The following MDM1 variants were observed in gnomAD, a reference collection of about 807,000 sequenced individuals.
The protein encoded by MDM1 is Mdm1 nuclear protein.
A neutral mutation model predicts 89.1 loss-of-function variants in MDM1; 61 were observed. The ratio of observed to expected loss-of-function variants is 0.68; its 90% confidence interval spans 0.56 to 0.85. The LOEUF is 0.85. MDM1 is among the 40% of genes least tolerant of loss of function. MDM1 has a pLI of 0.00. For synonymous variants in MDM1, 290 were observed against 294.1 expected (o/e 0.99, Z 0.14); for missense variants, 820 against 846.5 (o/e 0.97, Z 0.39).
intron 7 of MDM1, among the ~76,000 whole-genome samples, chr12:68,318,606 C>T (rs1874805134): frequency 6.6e-6 from 1 of 151,966 alleles, no homozygotes; most frequent in Non-Finnish European, 1.5e-5. Context: ...CTGACATTTT[C>T]CAAAGTAGTA....
intron 12 of MDM1, among the ~76,000 whole-genome samples, chr12:68,303,424 G>GC (rs1457717357): frequency 7.5e-6 from 1 of 133,400 alleles, no homozygotes; most frequent in Non-Finnish European, 1.5e-5. Flanking sequence ...CAATCTTTCT[G>GC]GGGGGCCGGC....
intron 13 of MDM1, among the ~76,000 whole-genome samples, chr12:68,298,834 A>G (rs569056298): frequency 6.6e-5 from 10 of 152,328 alleles, no homozygotes; most frequent in African/African-American, 2.2e-4. Context: ...CTATCAACTC[A>G]GTAAACAAAA....
At chr12:68,297,144 TTAA>T (rs1318298533) in intron 13 of MDM1, among the ~76,000 whole-genome samples, 162 bp from the exon 14 acceptor site, 2 of 152,322 alleles carry the variant, frequency 1.3e-5, no homozygotes, top group African/African-American at 4.8e-5. Flanking sequence ...ATTTTATTAA[TTAA>T]TTTTATATCT....
chr12:68,328,577 A>G (rs1401771796), intron 2 of MDM1, among the ~76,000 whole-genome samples: 1 of 152,242 alleles, frequency 6.6e-6, no homozygotes, highest in Non-Finnish European at 1.5e-5. Flanking sequence ...TATAAAAAAT[A>G]GCAATTTAGA....
At chr12:68,297,116 G>T in intron 13 of MDM1, 134 bp from the exon 14 acceptor site, 1 of 453,122 alleles carries the variant, frequency 2.2e-6, no homozygotes, top group East Asian at 3.5e-5. Context: ...GTGAGTAAAG[G>T]TTTAAGAAAT....
At position 68,332,262 on chromosome 12, in the gene MDM1, G is replaced by A; in HGVS notation, c.-17C>T. On this transcript the variant is annotated 5_prime_UTR_variant, in exon 1 of 15. Coordinates refer to ENST00000682720, the MANE Select transcript of MDM1 (RefSeq NM_001354969.2). ...CACCGGCATGTCGCCCGGCGCCGGA[G>A]CCCCCGCTACTCCGACAGTTAACTG... 3.2e-6 allele frequency: 5 copies of A among 1,581,428 alleles called. No homozygotes were observed. The highest frequency in any genetic ancestry group is 1.7e-6 in the Non-Finnish European group (2 of 1,164,754).
chr12:68,318,188 T>TAATA (rs1325738190), intron 7 of MDM1, among the ~76,000 whole-genome samples: 2 of 152,126 alleles, frequency 1.3e-5, no homozygotes, highest in Non-Finnish European at 2.9e-5. Context: ...GTCTATGCCA[T>TAATA]AATAAACAAA....
At chr12:68,296,237 C>T (rs577517102) in intron 14 of MDM1, among the ~76,000 whole-genome samples, 21 of 152,200 alleles carry the variant, frequency 1.4e-4, no homozygotes, top group Admixed American at 2.6e-4. Context: ...TGGTGGCTCA[C>T]GCCTGTAATC....
chr12:68,306,602 G>A (rs570457129), intron 12 of MDM1, among the ~76,000 whole-genome samples: 1 of 152,204 alleles, frequency 6.6e-6, no homozygotes, highest in African/African-American at 2.4e-5. Context: ...CTTAAAAGAA[G>A]ACAAAGCAGC....
intron 12 of MDM1, among the ~76,000 whole-genome samples, chr12:68,308,828 A>ACCT (rs1173679525): frequency 3.3e-5 from 5 of 152,154 alleles, no homozygotes; most frequent in African/African-American, 7.2e-5. Context: ...AGTGCATGGT[A>ACCT]CCTCCATCAA....
At chr12:68,324,071 T>C (rs529070060) in intron 4 of MDM1, among the ~76,000 whole-genome samples, 2 of 152,270 alleles carry the variant, frequency 1.3e-5, no homozygotes, top group African/African-American at 2.4e-5. Flanking sequence ...CCATAGACTC[T>C]GAATTCAATA....
chr12:68,308,896 C>G, intron 12 of MDM1, among the ~76,000 whole-genome samples: 1 of 152,174 alleles, frequency 6.6e-6, no homozygotes. Flanking sequence ...CATTATCCAA[C>G]CCAGCATCAA....
chr12:68,329,095 G>T (rs1454539319), intron 2 of MDM1, among the ~76,000 whole-genome samples: 1 of 152,164 alleles, frequency 6.6e-6, no homozygotes, highest in African/African-American at 2.4e-5. Flanking sequence ...CGCTCAGCAG[G>T]GTGGGATATC....
At chr12:68,331,052 G>A (rs1593000631) in intron 2 of MDM1, 55 bp downstream of exon 2, 1 of 1,017,214 alleles carries the variant, frequency 9.8e-7, no homozygotes, top group Non-Finnish European at 1.6e-6. Flanking sequence ...TAACGGCTTG[G>A]CCCAAGTTAT....
intron 13 of MDM1, among the ~76,000 whole-genome samples, chr12:68,298,671 A>G (rs114995422): frequency 6.6e-6 from 1 of 152,210 alleles, no homozygotes; most frequent in African/African-American, 2.4e-5. Flanking sequence ...CTTCACCCTG[A>G]TAAGACCTCA....
intron 13 of MDM1, among the ~76,000 whole-genome samples, chr12:68,301,049 T>C (rs147772076): frequency 1.8e-4 from 28 of 152,360 alleles, no homozygotes; most frequent in African/African-American, 5.0e-4. Flanking sequence ...TAATCTGCTC[T>C]TGAATGATTT....
At chr12:68,299,212 C>T (rs1871820112) in intron 13 of MDM1, among the ~76,000 whole-genome samples, 1 of 151,982 alleles carries the variant, frequency 6.6e-6, no homozygotes, top group African/African-American at 2.4e-5. Context: ...GAAAGTAATT[C>T]TAGTAATATG....
chr12:68,321,127 T>C (rs1464407391), intron 7 of MDM1: 10 of 399,676 alleles, frequency 2.5e-5, no homozygotes, highest in Non-Finnish European at 4.0e-5. Flanking sequence ...AGCATTAAAC[T>C]TAAAAGACCT....
chr12:68,302,564 C>T (rs1393040665), intron 13 of MDM1, 56 bp downstream of exon 13: 2 of 1,418,168 alleles, frequency 1.4e-6, no homozygotes, highest in Admixed American at 2.1e-5. Context: ...AGACTTTGTA[C>T]CTATCAGCAT....
Sources: gnomAD v4.1 joint callset for allele counts (sites outside exome capture counted in the v4.1 genomes callset) on GRCh38, gnomAD v4.1.1 for gene constraint, MANE v1.5 for transcripts, NCBI Gene and HGNC (gene_info 2026-07-23, HGNC 2026-07-21) for gene names.